The following CCDC197 variants were observed in gnomAD, a reference collection of about 807,000 sequenced individuals.
CCDC197 encodes coiled-coil domain containing 197, also known as uncharacterized protein CCDC197.
CCDC197 carries 24 observed loss-of-function variants against 13.4 expected under a neutral mutation model. That is an observed-to-expected ratio of 1.80 (90% CI 1.30 to 2.53). CCDC197 has a LOEUF of 2.53. CCDC197 is among the 30% of genes most tolerant of loss of function. CCDC197 has a pLI of 0.00. For synonymous variants in CCDC197, 99 were observed against 55.5 expected, an observed-to-expected ratio of 1.78 and a Z score of -3.48; for missense variants, 255 against 148.8, an observed-to-expected ratio of 1.71 and a Z score of -3.71.
intron 1 of CCDC197, among the ~76,000 whole-genome samples, chr14:93,990,938 G>A (rs1177346600): frequency 6.6e-6 from 1 of 152,200 alleles, no homozygotes; most frequent in African/African-American, 2.4e-5. Flanking sequence ...CTCATTTCAT[G>A]GAGGAAGAAA....
upstream of CCDC197, among the ~76,000 whole-genome samples, chr14:93,992,365 A>G (rs1467784170): frequency 6.6e-6 from 1 of 152,202 alleles, no homozygotes. Flanking sequence ...GCCAACCCCC[A>G]CCAAGAGATT....
At chr14:93,994,836 G>T (rs190393623), upstream of CCDC197, among the ~76,000 whole-genome samples, 1 of 152,154 alleles carries the variant, frequency 6.6e-6, no homozygotes. Context: ...CCCAGTGAAG[G>T]TCCCATAACC....
rs146316268 is a variant in CCDC197, at chr14:94,002,792, G to A, written c.367-431G>A. Reference sequence around the variant, plus strand: ...CACTTGAACCCAGGAGGCGGAGGTCGCAGTAAGCCAAGATTGTTCCGCTGC... The same window carrying A: ...CACTTGAACCCAGGAGGCGGAGGTCACAGTAAGCCAAGATTGTTCCGCTGC... On this transcript the variant is annotated intron_variant, in intron 4 of 6. Transcript: ENST00000636493. Among the ~76,000 whole-genome samples the A allele has an allele frequency of 4.5e-3, 664 of 147,426 alleles. 3 individuals are homozygous for A. Among genetic ancestry groups the A allele is most frequent in the African/African-American group, 0.015 (584 of 39,958 alleles).
intron 2 of CCDC197, among the ~76,000 whole-genome samples, chr14:93,998,627 T>C (rs976625649): frequency 6.6e-6 from 1 of 152,046 alleles, no homozygotes; most frequent in African/African-American, 2.4e-5. Flanking sequence ...GTTGGGGAGA[T>C]AAGACATTTC....
Position 94,008,661 on chromosome 14 carries a change from A to T in CCDC197, c.668A>T (p.Glu223Val). Residue 223 changes from glutamate to valine, a missense_variant, in exon 7 of 7, where the codon GAA becomes GTA. Coordinates refer to ENST00000636493, the MANE Select transcript of CCDC197 (RefSeq NM_001351596.2). ...ETVRLIALLT[E>V]PKVCWSWDSF... is the part of the protein sequence containing the mutation. ...GTAAGACTGATCGCACTGCTCACGGAACCCAAAGTGTGCTGGTCATGGGAC... is the reference window on the plus strand; with the variant it reads ...GTAAGACTGATCGCACTGCTCACGGTACCCAAAGTGTGCTGGTCATGGGAC... 1.4e-6 allele frequency: 1 copy of T among 703,032 alleles called. No individual in the cohort carries two copies. The highest frequency in any genetic ancestry group is 2.6e-6 in the Non-Finnish European group (1 of 385,006). 43.5% of individuals were successfully genotyped at this position (703,032 alleles called of 1,614,324 possible).
chr14:94,010,891 G>A (rs1453791174), downstream of CCDC197, among the ~76,000 whole-genome samples: 1 of 152,176 alleles, frequency 6.6e-6, no homozygotes. Context: ...TAAGCTGGTG[G>A]CTCTCAGGTT....
At chr14:94,005,021 T>TC in intron 6 of CCDC197, 50 bp downstream of exon 6, 1 of 689,048 alleles carries the variant, frequency 1.5e-6, no homozygotes, top group Admixed American at 2.0e-5. Context: ...CAGGCAAGAC[T>TC]CCAACTTGAG....
chr14:93,992,168 G>A (rs553261517), intron 1 of CCDC197, among the ~76,000 whole-genome samples: 4 of 152,178 alleles, frequency 2.6e-5, no homozygotes, highest in African/African-American at 7.2e-5. Flanking sequence ...AGGGAAATGC[G>A]GAGATCTGGT....
At chr14:94,004,526 C>A (rs769573951) in intron 5 of CCDC197, among the ~76,000 whole-genome samples, 3 of 152,174 alleles carry the variant, frequency 2.0e-5, no homozygotes, top group Non-Finnish European at 4.4e-5. Context: ...AGACCAGGAT[C>A]CTGGAGGTCT....
upstream of CCDC197, among the ~76,000 whole-genome samples, chr14:93,996,909 G>A (rs143589984): frequency 3.3e-3 from 505 of 152,316 alleles, 9 homozygotes; most frequent in South Asian, 0.029. Context: ...CCCCCTGCAC[G>A]GAACCAGGCC....
chr14:93,997,986 C>T lies in CCDC197; in HGVS notation c.-133-13C>T. On this transcript the variant is annotated splice_polypyrimidine_tract_variant and intron_variant, in intron 1 of 6. Transcript: ENST00000636493. ...ACAGCCCCTTTCTGAACCTCTGTCT[C>T]CTTTTCTGTGAGGTGGGGATGCTAA... is the stretch of plus-strand genomic sequence containing the variant. 1.6e-6 allele frequency: 1 copy of T among 634,416 alleles called. No homozygotes were observed. Among genetic ancestry groups the T allele is most frequent in the South Asian group, 1.8e-5 (1 of 54,558 alleles). 39.3% of individuals were successfully genotyped at this position (634,416 alleles called of 1,614,324 possible).
upstream of CCDC197, among the ~76,000 whole-genome samples, chr14:93,992,684 A>T (rs1400207926): frequency 6.6e-6 from 1 of 152,190 alleles, no homozygotes; most frequent in Non-Finnish European, 1.5e-5. Context: ...GGCCCCTCGG[A>T]CCATGACCAG....
chr14:93,994,652 C>A (rs1890253473), upstream of CCDC197, among the ~76,000 whole-genome samples: 1 of 152,202 alleles, frequency 6.6e-6, no homozygotes, highest in South Asian at 2.1e-4. Flanking sequence ...ATAGTGCCAC[C>A]ATCCCCACTC....
upstream of CCDC197, among the ~76,000 whole-genome samples, chr14:93,992,941 T>C (rs536944422): frequency 1.3e-5 from 2 of 152,228 alleles, no homozygotes; most frequent in East Asian, 3.9e-4. Flanking sequence ...CCTCTTGTGC[T>C]AGAAATGGAA....
chr14:94,001,422 G>A, intron 4 of CCDC197, 99 bp downstream of exon 4: 1 of 577,878 alleles, frequency 1.7e-6, no homozygotes, highest in South Asian at 2.1e-5. Context: ...CCTAGAGGGA[G>A]CAGCGGCGTA....
intron 2 of CCDC197, among the ~76,000 whole-genome samples, chr14:93,998,532 A>G (rs1440575306): frequency 6.6e-6 from 1 of 151,990 alleles, no homozygotes; most frequent in Non-Finnish European, 1.5e-5. Context: ...GCACCTGTCC[A>G]CTCGGCCCCT....
At chr14:94,005,757 A>G (rs1320642026) in intron 6 of CCDC197, among the ~76,000 whole-genome samples, 1 of 152,142 alleles carries the variant, frequency 6.6e-6, no homozygotes, top group African/African-American at 2.4e-5. Flanking sequence ...GGCTGCTTTC[A>G]TTTAGCGTCT....
intron 1 of CCDC197, among the ~76,000 whole-genome samples, chr14:93,990,902 C>T (rs1408274801): frequency 6.6e-6 from 1 of 152,122 alleles, no homozygotes; most frequent in Non-Finnish European, 1.5e-5. Context: ...CCACAGCAAC[C>T]CCAGGAGGTA....
At chr14:94,008,324 G>C (rs754475989) in intron 6 of CCDC197, among the ~76,000 whole-genome samples, 2 of 152,212 alleles carry the variant, frequency 1.3e-5, no homozygotes, top group Non-Finnish European at 2.9e-5. Flanking sequence ...TCTTGGAAGA[G>C]GCAGTGAGAA....
Sources: gnomAD v4.1 joint callset for allele counts (sites outside exome capture counted in the v4.1 genomes callset) on GRCh38, gnomAD v4.1.1 for gene constraint, MANE v1.5 for transcripts, NCBI Gene and HGNC (gene_info 2026-07-23, HGNC 2026-07-21) for gene names.